Variants in DCC observed in about 807,000 individuals in gnomAD.
DCC encodes the protein netrin receptor DCC.
In DCC, 58 loss-of-function variants were observed where a neutral mutation model predicts 172.5. The ratio of observed to expected loss-of-function variants is 0.34; its 90% confidence interval spans 0.27 to 0.42. The LOEUF (loss-of-function observed/expected upper bound fraction) is 0.42, where lower values mean the gene tolerates loss of function less well. DCC is among the 10% of genes least tolerant of loss of function. DCC has a pLI of 1.00. For synonymous variants in DCC, 709 were observed against 644.5 expected, an observed-to-expected ratio of 1.10 and a Z score of -1.52; for missense variants, 1,740 against 1,791.0, an observed-to-expected ratio of 0.97 and a Z score of 0.51.
At chr18:52,543,681 G>A (rs554911901) in intron 1 of DCC, among the ~76,000 whole-genome samples, 11 of 152,176 alleles carry the variant, frequency 7.2e-5, no homozygotes, top group African/African-American at 1.4e-4. Flanking sequence ...TACCACTCTC[G>A]TATGAAGTAT....
intron 8 of DCC, among the ~76,000 whole-genome samples, chr18:53,164,532 C>A (rs972592123): frequency 1.3e-5 from 2 of 152,122 alleles, no homozygotes; most frequent in African/African-American, 4.8e-5. Context: ...GGAATTGAAC[C>A]ACCTGGGTTC....
intron 10 of DCC, among the ~76,000 whole-genome samples, chr18:53,205,671 G>C (rs2055613814): frequency 6.6e-6 from 1 of 152,180 alleles, no homozygotes; most frequent in East Asian, 1.9e-4. Flanking sequence ...AACTCACCTG[G>C]TCGTGGAAGG....
intron 1 of DCC, among the ~76,000 whole-genome samples, chr18:52,541,633 G>T (rs1177563766): frequency 1.3e-5 from 2 of 151,978 alleles, no homozygotes; most frequent in Non-Finnish European, 2.9e-5. Context: ...GCATGAGTTT[G>T]CCTTGTTCAT....
chr18:53,129,685 GTAT>G (rs746642762), intron 7 of DCC, among the ~76,000 whole-genome samples: 1 of 151,934 alleles, frequency 6.6e-6, no homozygotes, highest in South Asian at 2.1e-4. Flanking sequence ...TTGCTGAGTA[GTAT>G]TCAATTACAT....
chr18:53,057,570 TG>T, intron 5 of DCC, among the ~76,000 whole-genome samples: 1 of 152,254 alleles, frequency 6.6e-6, no homozygotes, highest in Non-Finnish European at 1.5e-5. Flanking sequence ...AATTTATTTC[TG>T]GCCATGGATT....
At chr18:52,930,848 T>G (rs1166556992) in intron 5 of DCC, among the ~76,000 whole-genome samples, 1 of 152,182 alleles carries the variant, frequency 6.6e-6, no homozygotes. Context: ...TTTTTCTTCA[T>G]GGTTGCTAGC....
intron 1 of DCC, among the ~76,000 whole-genome samples, chr18:52,661,737 C>A (rs1253194396): frequency 6.6e-6 from 1 of 152,152 alleles, no homozygotes; most frequent in African/African-American, 2.4e-5. Context: ...TTTATAAGAT[C>A]TTCTAAAATA....
chr18:53,331,184 T>A lies in DCC; in HGVS notation c.2165-8529T>A, dbSNP rs1247868319. On this transcript the variant is annotated intron_variant, in intron 14 of 28. Coordinates refer to ENST00000442544, the MANE Select transcript of DCC (RefSeq NM_005215.4). ...AAACCCTAGCTTTCTAGAAGACAGCTTGGCATAAGATTTTAGAGTTACAAT... is the reference window on the plus strand; with the variant it reads ...AAACCCTAGCTTTCTAGAAGACAGCATGGCATAAGATTTTAGAGTTACAAT... Among the ~76,000 whole-genome samples, 5 of 152,360 alleles carry A rather than the reference T, an allele frequency of 3.3e-5. No individual in the cohort carries two copies. In the East Asian group the frequency reaches 9.6e-4, roughly 29 times the overall value.
At chr18:53,055,691 T>C (rs1361011643) in intron 5 of DCC, among the ~76,000 whole-genome samples, 1 of 151,946 alleles carries the variant, frequency 6.6e-6, no homozygotes, top group Non-Finnish European at 1.5e-5. Context: ...CAACAACCAA[T>C]CCTATGAGAG....
chr18:53,071,580 A>T (rs2042651962), intron 7 of DCC, among the ~76,000 whole-genome samples: 1 of 152,214 alleles, frequency 6.6e-6, no homozygotes, highest in African/African-American at 2.4e-5. Flanking sequence ...GACTTTGCAT[A>T]TATTACATTA....
At chr18:52,899,221 C>T (rs2039775177) in intron 2 of DCC, among the ~76,000 whole-genome samples, 2 of 152,094 alleles carry the variant, frequency 1.3e-5, no homozygotes, top group Admixed American at 1.3e-4. Context: ...GTGATCATAG[C>T]TTACTGCAGC....
intron 1 of DCC, among the ~76,000 whole-genome samples, chr18:52,402,803 G>T (rs1986491148): frequency 6.6e-6 from 1 of 151,944 alleles, no homozygotes; most frequent in Non-Finnish European, 1.5e-5. Context: ...GGAATATTTG[G>T]GTTGCTGGTT....
chr18:53,249,266 A>G (rs1289004741), intron 12 of DCC, among the ~76,000 whole-genome samples: 1 of 152,014 alleles, frequency 6.6e-6, no homozygotes, highest in Non-Finnish European at 1.5e-5. Context: ...TGAACAAACA[A>G]ATATTATAGC....
intron 12 of DCC, among the ~76,000 whole-genome samples, chr18:53,286,033 T>G (rs903181597): frequency 6.6e-6 from 1 of 152,222 alleles, no homozygotes; most frequent in Admixed American, 6.5e-5. Flanking sequence ...AACTTGCTTT[T>G]GATTTTACAG....
At position 53,533,802 on chromosome 18, in the gene DCC, A is replaced by T. The variant is rs1270639952; in HGVS notation, c.*3149A>T. ...AATACCAAGCCAGTGATATAAGTGGAGATTTATTAAGGATTCCTGTTGAGT... is the reference window on the plus strand; with the variant it reads ...AATACCAAGCCAGTGATATAAGTGGTGATTTATTAAGGATTCCTGTTGAGT... On this transcript the variant is annotated 3_prime_UTR_variant, in exon 29 of 29. Transcript: ENST00000442544. 6.6e-6 allele frequency: 1 copy of T among 152,172 alleles called. No homozygotes were observed. Among genetic ancestry groups the T allele is most frequent in the African/African-American group, 2.4e-5 (1 of 41,456 alleles). 9.4% of individuals were successfully genotyped at this position (152,172 alleles called of 1,614,324 possible). A position where few individuals can be genotyped will look rare whatever the true frequency, so the allele number is the denominator to read the frequency against.
intron 7 of DCC, among the ~76,000 whole-genome samples, chr18:53,082,477 AATAG>A (rs1426071317): frequency 6.6e-6 from 1 of 152,124 alleles, no homozygotes; most frequent in Non-Finnish European, 1.5e-5. Flanking sequence ...CTGTTAAGAA[AATAG>A]ATAGTTAAGA....
At chr18:53,029,339 A>T (rs1291786616) in intron 5 of DCC, among the ~76,000 whole-genome samples, 1 of 152,224 alleles carries the variant, frequency 6.6e-6, no homozygotes, top group Non-Finnish European at 1.5e-5. Flanking sequence ...TCACCTGTTC[A>T]TGAGATCCTG....
chr18:53,526,981 G>C (rs559795000), intron 28 of DCC: 14 of 549,496 alleles, frequency 2.5e-5, no homozygotes, highest in Non-Finnish European at 4.2e-5. Context: ...TAAAAAAGTT[G>C]ATTCTTAAGG....
intron 2 of DCC, among the ~76,000 whole-genome samples, chr18:52,794,690 G>A (rs994518168): frequency 6.6e-6 from 1 of 152,080 alleles, no homozygotes; most frequent in Admixed American, 6.5e-5. Context: ...TGTGGTGAAA[G>A]TGGGCATCCT....
Sources: gnomAD v4.1 joint callset for allele counts (sites outside exome capture counted in the v4.1 genomes callset) on GRCh38, gnomAD v4.1.1 for gene constraint, MANE v1.5 for transcripts, NCBI Gene and HGNC (gene_info 2026-07-23, HGNC 2026-07-21) for gene names.